The following CAPN2 variants were observed in gnomAD, a reference collection of about 807,000 sequenced individuals.
The protein encoded by CAPN2 is calpain-2 catalytic subunit.
In CAPN2, 92 loss-of-function variants were observed where a neutral mutation model predicts 102.3. The ratio of observed to expected loss-of-function variants is 0.90; its 90% CI spans 0.76 to 1.07. CAPN2 has a LOEUF of 1.07. CAPN2 is among the 50% of genes least tolerant of loss of function. The probability of loss-of-function intolerance (pLI) is 0.00; values close to 1 mark genes in which losing one functional copy is unlikely to be tolerated. For missense variants in CAPN2, 800 were observed against 909.4 expected (o/e 0.88, Z 1.55); for synonymous variants, 340 against 355.4 (o/e 0.96, Z 0.49).
chr1:223,770,589 A>T lies in CAPN2; in HGVS notation c.1903+64A>T, dbSNP rs561481734. 2.3e-4 allele frequency: 238 copies of T among 1,043,968 alleles called. 3 individuals carry two copies. Among genetic ancestry groups the T allele is most frequent in the South Asian group, 2.3e-3 (171 of 75,642 alleles). 64.7% of individuals were successfully genotyped at this position (1,043,968 alleles called of 1,614,324 possible). A position where few individuals can be genotyped will look rare whatever the true frequency, so the allele number is the denominator to read the frequency against. On this transcript the variant is annotated intron_variant, in intron 18 of 20. Coordinates refer to ENST00000295006, the MANE Select transcript of CAPN2 (RefSeq NM_001748.5). ...CTGTCTGTAGAATATGTGAACACTCATCTTATACCATATAACACAAGATTT... is the reference window on the plus strand; with the variant it reads ...CTGTCTGTAGAATATGTGAACACTCTTCTTATACCATATAACACAAGATTT...
chr1:223,742,433 C>T (rs1283231561), intron 2 of CAPN2, among the ~76,000 whole-genome samples: 1 of 148,738 alleles, frequency 6.7e-6, no homozygotes, highest in Non-Finnish European at 1.5e-5. Flanking sequence ...ACTTCAATAA[C>T]ATATATATAT....
intron 6 of CAPN2, 148 bp downstream of exon 6, chr1:223,749,270 G>T: frequency 1.5e-6 from 1 of 670,528 alleles, no homozygotes; most frequent in Non-Finnish European, 2.6e-6. Flanking sequence ...CGCGCGGGAG[G>T]AGAAGGGCGT....
At chr1:223,761,485 G>A in intron 12 of CAPN2, 96 bp from the exon 13 acceptor site, 1 of 967,474 alleles carries the variant, frequency 1.0e-6, no homozygotes, top group South Asian at 1.6e-5. Flanking sequence ...CCTACCCCCT[G>A]CTGGATTTAG....
chr1:223,768,904 T>C (rs529900108), intron 16 of CAPN2, among the ~76,000 whole-genome samples: 1 of 152,230 alleles, frequency 6.6e-6, no homozygotes, highest in South Asian at 2.1e-4. Flanking sequence ...GTCCTTCACA[T>C]CCCTTGTAAG....
At chr1:223,721,984 C>T (rs1283716380) in intron 2 of CAPN2, among the ~76,000 whole-genome samples, 1 of 151,838 alleles carries the variant, frequency 6.6e-6, no homozygotes, top group Non-Finnish European at 1.5e-5. Context: ...GCCAAATTGC[C>T]GAAGAAAAAG....
chr1:223,738,731 T>C (rs1660529314), intron 2 of CAPN2, among the ~76,000 whole-genome samples: 1 of 152,238 alleles, frequency 6.6e-6, no homozygotes, highest in South Asian at 2.1e-4. Flanking sequence ...TCTGGAGTCT[T>C]CTGTGATCCG....
intron 2 of CAPN2, among the ~76,000 whole-genome samples, chr1:223,722,060 CT>C: frequency 1.3e-5 from 2 of 152,056 alleles, no homozygotes; most frequent in Non-Finnish European, 2.9e-5. Context: ...GATCCTTGTC[CT>C]TGAAAATTTC....
Position 223,752,069 on chromosome 1 carries a change from CT to C in CAPN2, c.973del (p.Trp325GlyfsTer8). 10 of 1,606,664 alleles carry C rather than the reference CT, an allele frequency of 6.2e-6. No homozygotes were observed. The highest frequency in any genetic ancestry group is 8.5e-6 in the Non-Finnish European group (10 of 1,173,268). ...CCAGACGGCATGAAGATGGAGAATTCTGGTAAGATTAGTGGAGGCTTCAGGG... is the reference window on the plus strand; with the variant it reads ...CCAGACGGCATGAAGATGGAGAATTCGGTAAGATTAGTGGAGGCTTCAGGG... The part of the protein sequence containing the change: ...LTRRHEDGEF[W>X]MSFSDFLRHY... On this transcript the variant is annotated frameshift_variant and splice_region_variant, in exon 8 of 21. Transcript: ENST00000295006. LOFTEE classifies it high-confidence loss of function.
chr1:223,750,265 C>T (rs777107824), intron 6 of CAPN2, among the ~76,000 whole-genome samples: 3 of 152,148 alleles, frequency 2.0e-5, no homozygotes, highest in African/African-American at 4.8e-5. Context: ...TCTATGTGTG[C>T]ACTTTTTTTG....
At chr1:223,740,455 C>T (rs1660586880) in intron 2 of CAPN2, among the ~76,000 whole-genome samples, 1 of 152,160 alleles carries the variant, frequency 6.6e-6, no homozygotes, top group African/African-American at 2.4e-5. Flanking sequence ...GGAACAGGAC[C>T]TCCCATTCTG....
intron 3 of CAPN2, among the ~76,000 whole-genome samples, chr1:223,744,875 C>T (rs149294284): frequency 0.029 from 4,226 of 144,384 alleles, 202 homozygotes; most frequent in African/African-American, 0.11. Flanking sequence ...AACTCCGTCT[C>T]TACTAAAAAC....
At position 223,752,038 on chromosome 1, in the gene CAPN2, G is replaced by A; in HGVS notation, c.941G>A (p.Arg314Lys). ...ACTATAGACCCAGAGGAGAGGGAAA[G>A]GCTGACCAGACGGCATGAAGATGGA... ...WNTIDPEERE[R>K]LTRRHEDGEF... Residue 314 changes from arginine to lysine, a missense_variant, in exon 8 of 21, where the codon AGG becomes AAG. Physicochemically the swap from Arg to Lys is conservative, Grantham distance 26 (BLOSUM62 2). Transcript: ENST00000295006. The A allele has an allele frequency of 6.2e-7, 1 of 1,613,572 alleles. No homozygotes were observed. Among genetic ancestry groups the A allele is most frequent in the Non-Finnish European group, 8.5e-7 (1 of 1,179,554 alleles).
intron 4 of CAPN2, among the ~76,000 whole-genome samples, chr1:223,746,731 C>T (rs1428553552): frequency 2.0e-5 from 3 of 152,068 alleles, no homozygotes; most frequent in Admixed American, 6.6e-5. Context: ...CCGCCCACCT[C>T]GGCCTCCCAG....
chr1:223,709,738 C>T (rs116095784), upstream of CAPN2, among the ~76,000 whole-genome samples: 1,192 of 151,584 alleles, frequency 7.9e-3, 17 homozygotes, highest in African/African-American at 0.027. Context: ...AAAGGAGAAA[C>T]CAAAGCAGCA....
chr1:223,755,464 C>T lies in CAPN2; in HGVS notation c.1136-16C>T. 1 of 1,613,576 alleles carries T rather than the reference C, an allele frequency of 6.2e-7. No individual in the cohort carries two copies. Among genetic ancestry groups the T allele is most frequent in the Non-Finnish European group, 8.5e-7 (1 of 1,179,814 alleles). ...CCTGCTCAGGGCTGGGCTCCTCTGC[C>T]CCTTTCTGGCTGCAGACACATTCTG... On this transcript the variant is annotated splice_polypyrimidine_tract_variant and intron_variant, in intron 9 of 20. Transcript: ENST00000295006. This position sits in a 1 kb window ranked among gnomAD's most constrained non-coding sequence, Gnocchi z 4.1.
chr1:223,736,343 C>T (rs899818558), intron 2 of CAPN2, among the ~76,000 whole-genome samples: 2 of 152,150 alleles, frequency 1.3e-5, no homozygotes, highest in Non-Finnish European at 2.9e-5. Flanking sequence ...AGGATGGCAT[C>T]GGGCAGGTGC....
chr1:223,767,295 C>G (rs973401173), intron 16 of CAPN2, among the ~76,000 whole-genome samples: 4 of 151,366 alleles, frequency 2.6e-5, no homozygotes, highest in African/African-American at 9.7e-5. Context: ...CCCACTAACT[C>G]GTCATCTAGC....
At chr1:223,704,804 T>C (rs1429935307) in intron 1 of CAPN2, among the ~76,000 whole-genome samples, 2 of 152,132 alleles carry the variant, frequency 1.3e-5, no homozygotes, top group African/African-American at 2.4e-5. Flanking sequence ...AATACAACAC[T>C]GAATTGAGGG....
At chr1:223,715,920 T>C (rs1467896665) in intron 1 of CAPN2, among the ~76,000 whole-genome samples, 2 of 152,218 alleles carry the variant, frequency 1.3e-5, no homozygotes, top group Non-Finnish European at 2.9e-5. Context: ...GTTTACATCA[T>C]TATCTCATTT....
Sources: gnomAD v4.1 joint callset for allele counts (sites outside exome capture counted in the v4.1 genomes callset) on GRCh38, gnomAD v4.1.1 for gene constraint, Gnocchi (gnomAD v3.1) non-coding constraint, MANE v1.5 for transcripts, NCBI Gene and HGNC (gene_info 2026-07-23, HGNC 2026-07-21) for gene names.